Variants in PPARGC1A observed in about 807,000 individuals in gnomAD.
PPARGC1A encodes PPARG coactivator 1 alpha.
In PPARGC1A, 25 loss-of-function variants were observed where a neutral mutation model predicts 88.7. The observed-to-expected ratio is 0.28, with a 90% confidence interval of 0.21 to 0.39. PPARGC1A has a LOEUF of 0.39. Among genes scored for constraint, PPARGC1A ranks in the 10% least tolerant of loss-of-function variants. The probability of loss-of-function intolerance (pLI) is 1.00; values close to 1 mark genes in which losing one functional copy is unlikely to be tolerated. For missense variants in PPARGC1A, 880 were observed against 968.7 expected (o/e 0.91, Z 1.22); for synonymous variants, 363 against 355.6 (o/e 1.02, Z -0.24).
chr4:24,095,982 C>T, the PPARGC1A span, among the ~76,000 whole-genome samples: 1 of 152,118 alleles, frequency 6.6e-6, no homozygotes, highest in Non-Finnish European at 1.5e-5. Context: ...CTATTCAAAC[C>T]ATAGCAGGCA....
chr4:24,142,527 A>G, the PPARGC1A span, among the ~76,000 whole-genome samples: 1 of 151,986 alleles, frequency 6.6e-6, no homozygotes, highest in Non-Finnish European at 1.5e-5. Context: ...TACAAAAATG[A>G]GTCAGGTGTC....
At chr4:23,961,594 G>A in the PPARGC1A span, among the ~76,000 whole-genome samples, 1 of 152,210 alleles carries the variant, frequency 6.6e-6, no homozygotes, top group Non-Finnish European at 1.5e-5. Context: ...CTCCCACACT[G>A]CCCTGTCACC....
the PPARGC1A span, among the ~76,000 whole-genome samples, chr4:23,991,817 G>T: frequency 1.3e-5 from 2 of 151,970 alleles, no homozygotes; most frequent in African/African-American, 4.8e-5. Context: ...CAACTAGAAT[G>T]AAAATTTAAC....
the PPARGC1A span, among the ~76,000 whole-genome samples, chr4:24,210,403 AATAAACGC>A: frequency 6.6e-6 from 1 of 152,242 alleles, no homozygotes; most frequent in Non-Finnish European, 1.5e-5. Flanking sequence ...GCTTGAGTAA[AATAAACGC>A]ATGTGGCTTT....
chr4:24,025,858 G>A, the PPARGC1A span, among the ~76,000 whole-genome samples: 15 of 151,890 alleles, frequency 9.9e-5, no homozygotes, highest in Non-Finnish European at 1.8e-4. Context: ...GAAAGGAGGA[G>A]GAGGAAAAAA....
chr4:24,301,611 C>CA, the PPARGC1A span, among the ~76,000 whole-genome samples: 12,062 of 79,136 alleles, frequency 0.15, 800 homozygotes, highest in East Asian at 0.3. Context: ...CACCTATTGC[C>CA]AAAAAAAAAA....
At chr4:24,384,926 TC>T in the PPARGC1A span, among the ~76,000 whole-genome samples, 27 of 152,276 alleles carry the variant, frequency 1.8e-4, no homozygotes, top group Middle Eastern at 6.8e-3. Flanking sequence ...CCACCCTAAA[TC>T]AACAGAATAT....
chr4:23,965,094 A>C, the PPARGC1A span, among the ~76,000 whole-genome samples: 2 of 152,236 alleles, frequency 1.3e-5, no homozygotes, highest in Middle Eastern at 6.8e-3. Flanking sequence ...CCAGAGATGG[A>C]CCATCCCCCG....
At chr4:24,162,333 C>A in the PPARGC1A span, among the ~76,000 whole-genome samples, 2 of 152,018 alleles carry the variant, frequency 1.3e-5, no homozygotes, top group East Asian at 1.9e-4. Flanking sequence ...TTCATGTAAC[C>A]AAACACAACC....
At chr4:24,258,946 T>C in the PPARGC1A span, among the ~76,000 whole-genome samples, 2 of 152,188 alleles carry the variant, frequency 1.3e-5, no homozygotes, top group Non-Finnish European at 2.9e-5. Context: ...GACACAAAAA[T>C]GTATATGACA....
At chr4:24,234,521 G>A in the PPARGC1A span, among the ~76,000 whole-genome samples, 3 of 152,126 alleles carry the variant, frequency 2.0e-5, no homozygotes, top group African/African-American at 7.2e-5. Context: ...AAATTAGATG[G>A]GAAGGAAGAC....
chr4:24,240,591 C>T, the PPARGC1A span, among the ~76,000 whole-genome samples: 3 of 152,166 alleles, frequency 2.0e-5, no homozygotes, highest in South Asian at 6.2e-4. Flanking sequence ...GGAAAAATCG[C>T]TACAAGGCTG....
At chr4:24,270,319 C>G in the PPARGC1A span, among the ~76,000 whole-genome samples, 4 of 23,188 alleles carry the variant, frequency 1.7e-4, no homozygotes, top group Admixed American at 1.3e-3. Context: ...CTCTCTCTCT[C>G]TCTCTCTCTC....
the PPARGC1A span, among the ~76,000 whole-genome samples, chr4:24,134,323 C>T: frequency 6.6e-6 from 1 of 152,364 alleles, no homozygotes; most frequent in South Asian, 2.1e-4. Context: ...AATTTACCAT[C>T]ATGTTCCTAA....
intron 2 of PPARGC1A, among the ~76,000 whole-genome samples, chr4:23,844,798 T>TATATATTATAATAATATATG (rs1560429289): frequency 8.0e-6 from 1 of 124,960 alleles, no homozygotes; most frequent in Non-Finnish European, 1.6e-5. Flanking sequence ...TAATATATGA[T>TATATATTATAATAATATATG]ATATATTATT....
the PPARGC1A span, among the ~76,000 whole-genome samples, chr4:24,399,108 A>G: frequency 6.7e-6 from 1 of 149,418 alleles, no homozygotes; most frequent in Non-Finnish European, 1.5e-5. Flanking sequence ...TCAAAGCACA[A>G]GAATCTAACC....
At chr4:24,397,643 G>T in the PPARGC1A span, among the ~76,000 whole-genome samples, 4 of 152,140 alleles carry the variant, frequency 2.6e-5, no homozygotes, top group Non-Finnish European at 4.4e-5. Flanking sequence ...CAGCCATCTT[G>T]GTTGTTGAGG....
At chr4:24,310,462 A>G in the PPARGC1A span, among the ~76,000 whole-genome samples, 1 of 152,186 alleles carries the variant, frequency 6.6e-6, no homozygotes, top group South Asian at 2.1e-4. Context: ...GAGCAATTTT[A>G]TGGTTCGTAG....
chr4:24,015,938 T>C, the PPARGC1A span, among the ~76,000 whole-genome samples: 1 of 152,184 alleles, frequency 6.6e-6, no homozygotes, highest in Admixed American at 6.5e-5. Context: ...TTGAAGTCCA[T>C]GGAGAATCCC....
Sources: gnomAD v4.1 joint callset for allele counts (sites outside exome capture counted in the v4.1 genomes callset) on GRCh38, gnomAD v4.1.1 for gene constraint, MANE v1.5 for transcripts, NCBI Gene and HGNC (gene_info 2026-07-23, HGNC 2026-07-21) for gene names.